The following FAM91A1 variants were observed in gnomAD, a reference collection of about 807,000 sequenced individuals.
FAM91A1 encodes family with sequence similarity 91 member A1.
A neutral mutation model predicts 113.5 loss-of-function variants in FAM91A1; 41 were observed. The ratio of observed to expected loss-of-function variants is 0.36; its 90% CI spans 0.28 to 0.47. The LOEUF (loss-of-function observed/expected upper bound fraction) is 0.47, where lower values mean the gene tolerates loss of function less well. Ranked by LOEUF, FAM91A1 falls within the 20% of genes least tolerant of loss-of-function variation. The probability of loss-of-function intolerance (pLI) is 1.00; values close to 1 mark genes in which losing one functional copy is unlikely to be tolerated. For synonymous variants in FAM91A1, 307 were observed against 347.9 expected (o/e 0.88, Z 1.31); for missense variants, 696 against 1,001.2 (o/e 0.70, Z 4.11).
In FAM91A1 at chr8:123,797,950, A is replaced by G. The variant is rs1586388471; in HGVS notation, c.1412-140A>G. Reference sequence around the variant, plus strand: ...AAGTGTCTTGGTGGTCTCCTAGGAAATTTGGTACTTCTTAATAGAGTTACT... The same window carrying G: ...AAGTGTCTTGGTGGTCTCCTAGGAAGTTTGGTACTTCTTAATAGAGTTACT... On this transcript the variant is annotated intron_variant, in intron 15 of 23. Transcript: ENST00000334705. 12 of 934,402 alleles carry G rather than the reference A, an allele frequency of 1.3e-5. No homozygotes were observed. The East Asian group carries it at 2.9e-4, about 22-fold the overall frequency. 57.9% of individuals were successfully genotyped at this position (934,402 alleles called of 1,614,324 possible). A position where few individuals can be genotyped will look rare whatever the true frequency, so the allele number is the denominator to read the frequency against.
rs2130094302 is a variant in FAM91A1 at position 123,787,729 on chromosome 8, C to T, written c.1257C>T (p.Ser419=). ...VGKLSDESLD[S]FLIELEKVQS... Reference sequence around the variant, plus strand: ...AACTCTCAGATGAGTCTCTGGACAGCTTTCTTATAGAACTAGAAAAGGTAA... The same window carrying T: ...AACTCTCAGATGAGTCTCTGGACAGTTTTCTTATAGAACTAGAAAAGGTAA... Residue 419 remains serine, a synonymous_variant, in exon 14 of 24, where the codon AGC becomes AGT. Transcript: ENST00000334705. 3 of 1,611,956 alleles carry T rather than the reference C, an allele frequency of 1.9e-6. No homozygotes were observed. Among genetic ancestry groups the T allele is most frequent in the Middle Eastern group, 1.7e-4 (1 of 6,050 alleles).
At chr8:123,782,438 T>A (rs1403882126) in intron 8 of FAM91A1, among the ~76,000 whole-genome samples, 1 of 152,180 alleles carries the variant, frequency 6.6e-6, no homozygotes, top group Non-Finnish European at 1.5e-5. Flanking sequence ...ACAAGCACTA[T>A]GGTTGGTGAT....
intron 4 of FAM91A1, 113 bp downstream of exon 4, chr8:123,777,435 A>G: frequency 1.1e-6 from 1 of 874,772 alleles, no homozygotes. Context: ...GAAAAATGAG[A>G]ACAGTAAGCA....
chr8:123,799,514 T>A lies in FAM91A1; in HGVS notation c.1561-6T>A. On this transcript the variant is annotated splice_region_variant and splice_polypyrimidine_tract_variant and intron_variant, in intron 16 of 23. Coordinates refer to ENST00000334705, the MANE Select transcript of FAM91A1 (RefSeq NM_144963.4). ...TAACTTTATCTTAACTGTTTTATGA[T>A]TGTAGCATATTGGACCAGCTATCCC... 6.2e-7 allele frequency: 1 copy of A among 1,608,620 alleles called. No homozygotes were observed. Among genetic ancestry groups the A allele is most frequent in the African/African-American group, 1.3e-5 (1 of 74,750 alleles).
At chr8:123,790,230 A>C (rs988582284) in intron 15 of FAM91A1, among the ~76,000 whole-genome samples, 1 of 152,260 alleles carries the variant, frequency 6.6e-6, no homozygotes, top group Non-Finnish European at 1.5e-5. Context: ...AAGAAGTAGC[A>C]GCAATTTTAA....
At chr8:123,771,151 G>A (rs1338784806) in intron 1 of FAM91A1, among the ~76,000 whole-genome samples, 1 of 152,164 alleles carries the variant, frequency 6.6e-6, no homozygotes, top group Non-Finnish European at 1.5e-5. Context: ...CTAAATCTGT[G>A]GTGGTTGCCC....
chr8:123,769,415 C>T (rs1201652771), intron 1 of FAM91A1, among the ~76,000 whole-genome samples: 1 of 152,088 alleles, frequency 6.6e-6, no homozygotes, highest in Non-Finnish European at 1.5e-5. Flanking sequence ...TTTGAGTGCG[C>T]GGGGCTGGTA....
At chr8:123,770,278 A>G (rs566420415) in intron 1 of FAM91A1, among the ~76,000 whole-genome samples, 9 of 152,276 alleles carry the variant, frequency 5.9e-5, no homozygotes, top group African/African-American at 1.9e-4. Flanking sequence ...AGTTTAGTTT[A>G]CTTTGCTCCC....
chr8:123,776,473 C>T (rs1220855152), intron 3 of FAM91A1, among the ~76,000 whole-genome samples: 2 of 152,198 alleles, frequency 1.3e-5, no homozygotes, highest in African/African-American at 4.8e-5. Flanking sequence ...GGAGGAAATA[C>T]TGGAGGAAAG....
intron 11 of FAM91A1, 109 bp downstream of exon 11, chr8:123,785,850 C>G: frequency 3.0e-6 from 2 of 662,466 alleles, no homozygotes; most frequent in African/African-American, 1.9e-5. Context: ...CAAAGTCTCT[C>G]TCTGTCATCC....
Position 123,808,344 on chromosome 8 carries a change from C to G in FAM91A1, c.2105C>G (p.Ala702Gly). The change falls in exon 21 of 24, where the codon GCA becomes GGA. Residue 702 changes from alanine (A) to glycine (G), a missense_variant. By Grantham distance (60) the Ala-to-Gly change is moderately conservative. Coordinates refer to ENST00000334705, the MANE Select transcript of FAM91A1 (RefSeq NM_144963.4). ...TESFEMVIEEATIDSATKQTS... is the reference protein window; with the variant it reads ...TESFEMVIEEGTIDSATKQTS... ...TCATTTGAAATGGTCATTGAGGAAGCAACTATAGATTCAGCAACAAAGCAA... is the reference window on the plus strand; with the variant it reads ...TCATTTGAAATGGTCATTGAGGAAGGAACTATAGATTCAGCAACAAAGCAA... 6.2e-7 allele frequency: 1 copy of G among 1,613,430 alleles called. No homozygotes were observed. Among genetic ancestry groups the G allele is most frequent in the East Asian group, 2.2e-5 (1 of 44,818 alleles).
chr8:123,807,272 A>AAATG, intron 20 of FAM91A1, among the ~76,000 whole-genome samples: 1 of 152,298 alleles, frequency 6.6e-6, no homozygotes, highest in South Asian at 2.1e-4. Context: ...CGTATCTACT[A>AAATG]CAGCTCTCCT....
At chr8:123,810,126 T>G (rs1815914890) in intron 22 of FAM91A1, among the ~76,000 whole-genome samples, 156 bp from the exon 23 acceptor site, 1 of 152,208 alleles carries the variant, frequency 6.6e-6, no homozygotes, top group Non-Finnish European at 1.5e-5. Context: ...AAGCAAAAAT[T>G]TCATTGATGA....
chr8:123,798,111 G>A lies in FAM91A1; in HGVS notation c.1433G>A (p.Arg478His), dbSNP rs921027909. 3 of 1,613,106 alleles carry A rather than the reference G, an allele frequency of 1.9e-6. No homozygotes were observed. The highest frequency in any genetic ancestry group is 1.3e-5 in the African/African-American group (1 of 74,798). Residue 478 changes from arginine (R) to histidine (H), a missense_variant, in exon 16 of 24, where the codon CGC (arginine) becomes CAC (histidine). By Grantham distance (29) the Arg-to-His change is conservative. Coordinates refer to ENST00000334705, the MANE Select transcript of FAM91A1 (RefSeq NM_144963.4). ...TCAGGTTTTCCTCTGGATCTCTTAC[G>A]CTGTGAAAGCCTTCTTGGTTTGGAC... ...PNYGFPLDLL[R>H]CESLLGLDPA...
intron 7 of FAM91A1, 30 bp downstream of exon 7, chr8:123,780,105 C>A: frequency 6.3e-7 from 1 of 1,584,168 alleles, no homozygotes; most frequent in Non-Finnish European, 8.6e-7. Flanking sequence ...GGTCTTTTGT[C>A]AACATAAAAA....
intron 14 of FAM91A1, among the ~76,000 whole-genome samples, chr8:123,788,027 T>A (rs1292916286): frequency 3.9e-5 from 6 of 152,216 alleles, no homozygotes; most frequent in Admixed American, 3.9e-4. Flanking sequence ...AATTTTAGTC[T>A]GTAATGTTTT....
chr8:123,784,237 C>A (rs141285492), intron 8 of FAM91A1, among the ~76,000 whole-genome samples: 1 of 152,236 alleles, frequency 6.6e-6, no homozygotes, highest in East Asian at 1.9e-4. Flanking sequence ...CTCAGTAACT[C>A]TGAGTTCCAT....
intron 15 of FAM91A1, among the ~76,000 whole-genome samples, chr8:123,792,685 A>G (rs370460822): frequency 2.0e-5 from 3 of 152,210 alleles, no homozygotes; most frequent in East Asian, 1.9e-4. Context: ...CTGTTGTAGT[A>G]TACATTAAAT....
intron 1 of FAM91A1, among the ~76,000 whole-genome samples, chr8:123,771,403 C>T (rs1227841143): frequency 6.6e-6 from 1 of 152,104 alleles, no homozygotes; most frequent in African/African-American, 2.4e-5. Flanking sequence ...GATGTCGTTT[C>T]CAGTAAGTTT....
Sources: allele counts gnomAD v4.1 joint callset (sites outside exome capture counted in the v4.1 genomes callset), GRCh38; gene constraint gnomAD v4.1.1; transcripts MANE v1.5; gene names NCBI Gene and HGNC (gene_info 2026-07-23, HGNC 2026-07-21).